Variants in PLGRKT observed in about 807,000 individuals in gnomAD.
PLGRKT encodes plasminogen receptor (KT).
A neutral mutation model predicts 18.5 loss-of-function variants in PLGRKT; 22 were observed. That is an observed-to-expected ratio of 1.19 (90% CI 0.85 to 1.70). The LOEUF (loss-of-function observed/expected upper bound fraction) is 1.70. Ranked by LOEUF, PLGRKT falls within the 40% of genes most tolerant of loss-of-function variation. PLGRKT has a pLI of 0.00. For missense variants in PLGRKT, 235 were observed against 174.4 expected (o/e 1.35, Z -1.96); for synonymous variants, 72 against 52.8 (o/e 1.36, Z -1.58).
chr9:5,416,036 T>C lies in PLGRKT; in HGVS notation c.81+15861A>G, dbSNP rs181820746. Among the ~76,000 whole-genome samples, 399 of 152,178 alleles carry C rather than the reference T, an allele frequency of 2.6e-3. 2 individuals carry two copies. The highest frequency in any genetic ancestry group is 9.2e-3 in the African/African-American group (382 of 41,546). On this transcript the variant is annotated intron_variant, in intron 3 of 5. Transcript: ENST00000223864. ...GATCATTGTACAATGACTTTGTAAA[T>C]TGTTAATATTAGAGAAAGCTGGATA...
intron 3 of PLGRKT, among the ~76,000 whole-genome samples, chr9:5,382,266 A>C (rs577528431): frequency 6.6e-6 from 1 of 152,228 alleles, no homozygotes; most frequent in Non-Finnish European, 1.5e-5. Context: ...ATTAAAGAAG[A>C]AATTTCAATG....
rs1041614011 is a variant in PLGRKT at position 5,418,332 on chromosome 9, A to G, written c.81+13565T>C. On this transcript the variant is annotated intron_variant, in intron 3 of 5. Coordinates refer to ENST00000223864, the MANE Select transcript of PLGRKT (RefSeq NM_018465.4). This position sits in a 1 kb window ranked among gnomAD's most constrained non-coding sequence, Gnocchi z 4.2. ...TCATCACCAATGTGCTCAACCCCTA[A>G]GTTGGCACCCACAAGAGACTTCCCT... 9 of 623,028 alleles carry G rather than the reference A, an allele frequency of 1.4e-5. No individual in the cohort carries two copies. The highest frequency in any genetic ancestry group is 1.3e-4 in the African/African-American group (7 of 54,248). 38.6% of individuals were successfully genotyped at this position (623,028 alleles called of 1,614,324 possible).
At chr9:5,404,370 A>G (rs1179823679) in intron 3 of PLGRKT, among the ~76,000 whole-genome samples, 8 of 152,196 alleles carry the variant, frequency 5.3e-5, no homozygotes, top group Non-Finnish European at 1.0e-4. Flanking sequence ...CGATACAAAA[A>G]TCCTCAATAA....
At position 5,431,219 on chromosome 9, in the gene PLGRKT, C is replaced by T. The variant is rs529555563; in HGVS notation, c.81+678G>A. ...CATCTTCAAATCTCTCTTATACTGA[C>T]TCTCATGCTTCCTTCTTTCTCTTAT... On this transcript the variant is annotated intron_variant, in intron 3 of 5. Coordinates refer to ENST00000223864, the MANE Select transcript of PLGRKT (RefSeq NM_018465.4). Among the ~76,000 whole-genome samples the T allele has an allele frequency of 3.0e-4, 46 of 152,296 alleles. 1 individual carries two copies. In the South Asian group the frequency reaches 5.8e-3, roughly 19 times the overall value.
At chr9:5,387,975 T>G (rs552650450) in intron 3 of PLGRKT, among the ~76,000 whole-genome samples, 1 of 151,984 alleles carries the variant, frequency 6.6e-6, no homozygotes, top group Non-Finnish European at 1.5e-5. Flanking sequence ...GATTTTCTGA[T>G]GGACTGGATA....
chr9:5,416,224 A>G (rs1818456044), intron 3 of PLGRKT, among the ~76,000 whole-genome samples: 1 of 152,208 alleles, frequency 6.6e-6, no homozygotes, highest in South Asian at 2.1e-4. Flanking sequence ...AATACTCAAC[A>G]TTAAAGACAT....
chr9:5,419,820 T>C (rs1818539604), intron 3 of PLGRKT, among the ~76,000 whole-genome samples: 1 of 152,206 alleles, frequency 6.6e-6, no homozygotes, highest in South Asian at 2.1e-4. Flanking sequence ...TGGTGGTTCC[T>C]CAATAAGTTA....
chr9:5,379,925 G>T (rs997321074), intron 3 of PLGRKT, among the ~76,000 whole-genome samples: 2 of 152,088 alleles, frequency 1.3e-5, no homozygotes, highest in African/African-American at 4.8e-5. Flanking sequence ...AAATATTTAT[G>T]TATTTGATCA....
intron 3 of PLGRKT, among the ~76,000 whole-genome samples, chr9:5,372,258 T>C (rs1451861895): frequency 6.6e-6 from 1 of 152,064 alleles, no homozygotes; most frequent in African/African-American, 2.4e-5. Context: ...TCTTAAGAAA[T>C]TGCAGCATGC....
intron 3 of PLGRKT, among the ~76,000 whole-genome samples, chr9:5,420,338 AAC>A (rs1437506692): frequency 6.6e-6 from 1 of 152,226 alleles, no homozygotes; most frequent in African/African-American, 2.4e-5. Flanking sequence ...ACAGTTGCAC[AAC>A]ACTGTACATG....
intron 3 of PLGRKT, among the ~76,000 whole-genome samples, chr9:5,408,505 A>C (rs1586732175): frequency 6.6e-6 from 1 of 152,392 alleles, no homozygotes; most frequent in East Asian, 1.9e-4. Context: ...TGCTTCTAGC[A>C]GCCTAGGCTC....
At chr9:5,411,398 A>AAG (rs1818363182) in intron 3 of PLGRKT, among the ~76,000 whole-genome samples, 1 of 146,636 alleles carries the variant, frequency 6.8e-6, no homozygotes, top group Non-Finnish European at 1.5e-5. Context: ...AAAAAAAAAA[A>AAG]AGAAAAGAAA....
intron 3 of PLGRKT, among the ~76,000 whole-genome samples, chr9:5,407,174 C>T (rs79561557): frequency 6.6e-6 from 1 of 152,062 alleles, no homozygotes; most frequent in Non-Finnish European, 1.5e-5. Flanking sequence ...GATTGACAAT[C>T]AAATGAATGT....
Position 5,425,382 on chromosome 9 carries a change from A to C in PLGRKT, c.81+6515T>G, listed in dbSNP as rs531952616. Among the ~76,000 whole-genome samples the C allele has an allele frequency of 2.0e-5, 3 of 152,294 alleles. No individual in the cohort carries two copies. The South Asian group carries it at 6.2e-4, about 32-fold the overall frequency. ...TAGTAGCATGAATCCTCTCCATCAC[A>C]ATTTGAACCAAAGTCGTAAGTTAAA... is the stretch of plus-strand genomic sequence containing the variant. On this transcript the variant is annotated intron_variant, in intron 3 of 5. Transcript: ENST00000223864.
intron 3 of PLGRKT, among the ~76,000 whole-genome samples, chr9:5,373,193 G>C (rs531552204): frequency 3.5e-4 from 53 of 152,284 alleles, no homozygotes; most frequent in African/African-American, 1.2e-3. Flanking sequence ...CTCTTTGAAA[G>C]AGCCTGTATA....
At chr9:5,419,419 G>A (rs977692762) in intron 3 of PLGRKT, among the ~76,000 whole-genome samples, 1 of 152,216 alleles carries the variant, frequency 6.6e-6, no homozygotes, top group Admixed American at 6.5e-5. Flanking sequence ...CTTTCTCCGT[G>A]GCGTGTTCAG....
At chr9:5,417,030 A>C (rs1357909416) in intron 3 of PLGRKT, among the ~76,000 whole-genome samples, 1 of 152,256 alleles carries the variant, frequency 6.6e-6, no homozygotes, top group African/African-American at 2.4e-5. Context: ...ACGTTAAATA[A>C]TGCATAATAG....
chr9:5,426,917 A>T (rs917168435), intron 3 of PLGRKT, among the ~76,000 whole-genome samples: 5 of 152,110 alleles, frequency 3.3e-5, no homozygotes, highest in Non-Finnish European at 7.4e-5. Flanking sequence ...CATCTCCTTT[A>T]TGGGACTTGG....
intron 3 of PLGRKT, among the ~76,000 whole-genome samples, chr9:5,403,476 C>T (rs545457715): frequency 1.3e-5 from 2 of 152,104 alleles, no homozygotes; most frequent in Non-Finnish European, 1.5e-5. Flanking sequence ...CCGCCTGCCT[C>T]GGCCTCCCAA....
Sources: allele counts gnomAD v4.1 joint callset (sites outside exome capture counted in the v4.1 genomes callset), GRCh38; gene constraint gnomAD v4.1.1; non-coding constraint Gnocchi (gnomAD v3.1); transcripts MANE v1.5; gene names NCBI Gene and HGNC (gene_info 2026-07-23, HGNC 2026-07-21).